ABCA5: variants seen among roughly 807,000 people sequenced by gnomAD.
ABCA5 encodes the protein cholesterol transporter ABCA5.
Under a neutral mutation model 206.0 loss-of-function variants are expected in ABCA5, and 163 were observed. The observed-to-expected ratio is 0.79, with a 90% CI of 0.70 to 0.90. The LOEUF is 0.90. Ranked by LOEUF, ABCA5 falls within the 40% of genes least tolerant of loss-of-function variation. ABCA5 has a pLI of 0.00. For synonymous variants in ABCA5, 609 were observed against 613.8 expected (o/e 0.99, Z 0.11); for missense variants, 1,859 against 1,912.9 (o/e 0.97, Z 0.53).
chr17:69,297,397 T>TA, intron 9 of ABCA5, 38 bp from the exon 10 acceptor site: 1 of 1,544,180 alleles, frequency 6.5e-7, no homozygotes, highest in Non-Finnish European at 8.7e-7. Flanking sequence ...TTACCATAAT[T>TA]AGTTTTTAAA....
At position 69,310,625 on chromosome 17, in the gene ABCA5, A is replaced by C. The variant is rs568179563; in HGVS notation, c.308-1202T>G. Among the ~76,000 whole-genome samples the C allele has an allele frequency of 3.3e-5, 5 of 152,330 alleles. No individual in the cohort carries two copies. The South Asian group carries it at 1.0e-3, about 32-fold the overall frequency. ...CCTTTCTTAGAAGATAAGTGGAAAA[A>C]ATACTGTAATCATTCTTTCTCATCA... is the stretch of plus-strand genomic sequence containing the variant. On this transcript the variant is annotated intron_variant, in intron 3 of 38. Coordinates refer to ENST00000392676, the MANE Select transcript of ABCA5 (RefSeq NM_172232.4).
intron 26 of ABCA5, among the ~76,000 whole-genome samples, 195 bp downstream of exon 26, chr17:69,260,930 C>CATAG (rs1337529621): frequency 1.3e-5 from 2 of 151,898 alleles, no homozygotes; most frequent in African/African-American, 2.4e-5. Context: ...CTGTAATGAA[C>CATAG]ATAGCCCTTT....
Position 69,291,304 on chromosome 17 carries a change from C to G in ABCA5, c.1518G>C (p.Glu506Asp). The G allele has an allele frequency of 6.2e-7, 1 of 1,606,946 alleles. No individual in the cohort carries two copies. Among genetic ancestry groups the G allele is most frequent in the Non-Finnish European group, 8.5e-7 (1 of 1,175,052 alleles). ...ALRNLSFDIY[E>D]GQITALLGHS... ...GGCCAAGTAAGGCAGTAATCTGACC[C>G]TCATATATGTCAAATGACAAATCTA... The change falls in exon 12 of 39, where the codon GAG becomes GAC. Residue 506 changes from glutamate to aspartate, a missense_variant. By Grantham distance (45) the Glu-to-Asp change is conservative. Transcript: ENST00000392676.
At chr17:69,308,821 T>G (rs1468698620) in intron 4 of ABCA5, among the ~76,000 whole-genome samples, 1 of 152,132 alleles carries the variant, frequency 6.6e-6, no homozygotes. Flanking sequence ...TCAATAAATG[T>G]TTGTGGTTGA....
intron 19 of ABCA5, among the ~76,000 whole-genome samples, chr17:69,274,666 C>A (rs139677975): frequency 1.3e-5 from 2 of 151,056 alleles, no homozygotes; most frequent in African/African-American, 4.9e-5. Flanking sequence ...CAATACTGTA[C>A]GACAAAATTA....
intron 37 of ABCA5, 109 bp downstream of exon 37, chr17:69,249,796 A>T: frequency 5.7e-6 from 8 of 1,407,964 alleles, no homozygotes; most frequent in Non-Finnish European, 5.8e-6. Context: ...GAGCTACAAC[A>T]TAAGTGCTTT....
Position 69,270,804 on chromosome 17 carries a change from T to C in ABCA5, c.2893-54A>G, listed in dbSNP as rs147578982. On this transcript the variant is annotated intron_variant, in intron 21 of 38. Coordinates refer to ENST00000392676, the MANE Select transcript of ABCA5 (RefSeq NM_172232.4). ...ATACTGTATATAAGCGGATATATTA[T>C]TGATATGTACCAAGCTTTTCTCACC... The C allele has an allele frequency of 2.2e-4, 317 of 1,429,168 alleles. No individual in the cohort carries two copies. The African/African-American group carries it at 4.0e-3, about 18-fold the overall frequency. The allele number at this position is 1,429,168 out of a possible 1,614,324, so 88.5% of individuals were successfully genotyped here. A position where few individuals can be genotyped will look rare whatever the true frequency, so the allele number is the denominator to read the frequency against.
At chr17:69,312,165 A>T (rs2075776806) in intron 3 of ABCA5, among the ~76,000 whole-genome samples, 1 of 152,224 alleles carries the variant, frequency 6.6e-6, no homozygotes. Flanking sequence ...TTTAATCATT[A>T]ATAGCATAAG....
intron 3 of ABCA5, among the ~76,000 whole-genome samples, chr17:69,312,592 T>C (rs555953898): frequency 2.6e-5 from 4 of 152,284 alleles, no homozygotes; most frequent in African/African-American, 9.6e-5. Flanking sequence ...TTTATTGTTA[T>C]AGATGGGGGT....
At chr17:69,251,577 A>C in intron 35 of ABCA5, 170 bp downstream of exon 35, 1 of 813,000 alleles carries the variant, frequency 1.2e-6, no homozygotes, top group Non-Finnish European at 1.8e-6. Flanking sequence ...GTAGACAGCC[A>C]TATTTTTAAA....
intron 3 of ABCA5, 150 bp from the exon 4 acceptor site, chr17:69,309,573 T>C: frequency 3.3e-6 from 2 of 606,796 alleles, no homozygotes; most frequent in Non-Finnish European, 5.2e-6. Context: ...CCAAGCACAG[T>C]GGCTCACACC....
chr17:69,250,360 T>C lies in ABCA5; in HGVS notation c.4685+112A>G, dbSNP rs939535007. On this transcript the variant is annotated intron_variant, in intron 36 of 38. Transcript: ENST00000392676. Reference sequence around the variant, plus strand: ...ATATATATTCACACACAGAGATATATATATATATGGTCTATGAATGAAAAG... The same window carrying C: ...ATATATATTCACACACAGAGATATACATATATATGGTCTATGAATGAAAAG... 6.1e-6 allele frequency: 5 copies of C among 815,444 alleles called. No individual in the cohort carries two copies. The Admixed American group carries it at 9.9e-5, about 16-fold the overall frequency. 50.5% of individuals were successfully genotyped at this position (815,444 alleles called of 1,614,324 possible).
chr17:69,317,399 CAAAAAAAAAA>C (rs1168274624), intron 1 of ABCA5, among the ~76,000 whole-genome samples: 4 of 74,582 alleles, frequency 5.4e-5, no homozygotes, highest in African/African-American at 1.1e-4. Context: ...GACTCTGTCT[CAAAAAAAAAA>C]AAAAAAAAAA....
At position 69,304,528 on chromosome 17, in the gene ABCA5, T is replaced by C. The variant is rs1374250768; in HGVS notation, c.930+141A>G. Reference sequence around the variant, plus strand: ...ACAGGAATACAGTGATGCCACATCATTTATTTATTAAGTCACTTATCAATT... The same window carrying C: ...ACAGGAATACAGTGATGCCACATCACTTATTTATTAAGTCACTTATCAATT... On this transcript the variant is annotated intron_variant, in intron 7 of 38. Transcript: ENST00000392676. 5 of 667,270 alleles carry C rather than the reference T, an allele frequency of 7.5e-6. No individual in the cohort carries two copies. The South Asian group carries it at 8.7e-5, about 12-fold the overall frequency. The allele number at this position is 667,270 out of a possible 1,614,324, so 41.3% of individuals were successfully genotyped here. A position where few individuals can be genotyped will look rare whatever the true frequency, so the allele number is the denominator to read the frequency against.
chr17:69,249,988 G>T lies in ABCA5; in HGVS notation c.4686-4C>A, dbSNP rs774490322. On this transcript the variant is annotated splice_polypyrimidine_tract_variant and splice_region_variant and intron_variant, in intron 36 of 38. Coordinates refer to ENST00000392676, the MANE Select transcript of ABCA5 (RefSeq NM_172232.4). ...ATAAGCCAAAATAGAAGAAAAACTG[G>T]AAAAAAAGATAAAATATGGAAAAAA... is the stretch of plus-strand genomic sequence containing the variant. The T allele has an allele frequency of 1.4e-6, 2 of 1,456,142 alleles. No homozygotes were observed. Among genetic ancestry groups the T allele is most frequent in the Non-Finnish European group, 1.8e-6 (2 of 1,092,448 alleles). The allele number at this position is 1,456,142 out of a possible 1,614,324, so 90.2% of individuals were successfully genotyped here.
intron 1 of ABCA5, among the ~76,000 whole-genome samples, chr17:69,318,572 T>C (rs969344518): frequency 6.6e-6 from 1 of 151,660 alleles, no homozygotes; most frequent in Non-Finnish European, 1.5e-5. Context: ...ATTACTTACA[T>C]AGTAAAAAAA....
rs866503362 is a variant in ABCA5, at chr17:69,248,302, G to A, written c.4781C>T (p.Ala1594Val). 6.4e-7 allele frequency: 1 copy of A among 1,563,302 alleles called. No homozygotes were observed. The highest frequency in any genetic ancestry group is 1.2e-5 in the South Asian group (1 of 85,788). ...TTGAGAAAAGCTATATTCTTCAATG[G>A]CAAAAGCATGTTTAGCTATTAAAAT... ...FKLEEAKHAF[A>V]IEEYSFSQAT... Residue 1594 changes from alanine to valine, a missense_variant, in exon 38 of 39, where the codon GCC (alanine) becomes GTC (valine). Physicochemically the swap from Ala to Val is moderately conservative, Grantham distance 64. Transcript: ENST00000392676.
chr17:69,284,075 A>C lies in ABCA5; in HGVS notation c.2273-3T>G, dbSNP rs750010080. ...ACTGTCTAGGGCAGAAAACAAACCTAAAAGAAAAAAATGAAAGAATAGTAT... is the reference window on the plus strand; with the variant it reads ...ACTGTCTAGGGCAGAAAACAAACCTCAAAGAAAAAAATGAAAGAATAGTAT... On this transcript the variant is annotated splice_region_variant and splice_polypyrimidine_tract_variant and intron_variant, in intron 17 of 38. Coordinates refer to ENST00000392676, the MANE Select transcript of ABCA5 (RefSeq NM_172232.4). 1.3e-6 allele frequency: 2 copies of C among 1,546,182 alleles called. No homozygotes were observed.
In ABCA5 at chr17:69,277,788, A is replaced by G. The variant is rs1472209461; in HGVS notation, c.2447T>C (p.Phe816Ser). Reference sequence around the variant, plus strand: ...AAGTAAGCTCTGTTCCATTTCATCAAAAGATTTTGAATCCATTTCTTCCTC... The same window carrying G: ...AAGTAAGCTCTGTTCCATTTCATCAGAAGATTTTGAATCCATTTCTTCCTC... ...PLEEEMDSKS[F>S]DEMEQSLLIL... Residue 816 changes from phenylalanine to serine, a missense_variant, in exon 19 of 39, where the codon TTT (phenylalanine) becomes TCT (serine). Transcript: ENST00000392676. The G allele has an allele frequency of 6.3e-7, 1 of 1,584,782 alleles. No homozygotes were observed. The highest frequency in any genetic ancestry group is 2.3e-5 in the East Asian group (1 of 43,204).
Sources: gnomAD v4.1 joint callset for allele counts (sites outside exome capture counted in the v4.1 genomes callset) on GRCh38, gnomAD v4.1.1 for gene constraint, MANE v1.5 for transcripts, NCBI Gene and HGNC (gene_info 2026-07-23, HGNC 2026-07-21) for gene names.